The following LEPR variants were observed in gnomAD, a reference collection of about 807,000 sequenced individuals.
The protein encoded by LEPR is leptin receptor.
Under a neutral mutation model 114.7 loss-of-function variants are expected in LEPR, and 56 were observed. That is an observed-to-expected ratio of 0.49 (90% CI 0.39 to 0.61). The LOEUF is 0.61. Ranked by LOEUF, LEPR falls within the 20% of genes least tolerant of loss-of-function variation. LEPR has a pLI of 0.00. For synonymous variants in LEPR, 443 were observed against 461.4 expected, an observed-to-expected ratio of 0.96 and a Z score of 0.51; for missense variants, 1,202 against 1,352.9, an observed-to-expected ratio of 0.89 and a Z score of 1.75.
chr1:65,602,012 A>C (rs1284718071), intron 10 of LEPR, 52 bp downstream of exon 10: 1 of 1,465,912 alleles, frequency 6.8e-7, no homozygotes, highest in South Asian at 1.1e-5. Context: ...TGAGATAAAA[A>C]TTTTCTTTAG....
chr1:65,456,818 T>C (rs1050338831), intron 2 of LEPR, among the ~76,000 whole-genome samples: 1 of 152,222 alleles, frequency 6.6e-6, no homozygotes, highest in African/African-American at 2.4e-5. Context: ...ATTATTGATA[T>C]AGTGGGATTA....
chr1:65,603,266 C>T (rs779668692), intron 10 of LEPR, among the ~76,000 whole-genome samples: 4 of 151,950 alleles, frequency 2.6e-5, no homozygotes, highest in Non-Finnish European at 4.4e-5. Flanking sequence ...TGTACTAGTA[C>T]TGTGCTTCTA....
intron 2 of LEPR, among the ~76,000 whole-genome samples, chr1:65,509,168 A>G (rs1199807440): frequency 6.6e-6 from 1 of 152,060 alleles, no homozygotes; most frequent in Non-Finnish European, 1.5e-5. Flanking sequence ...TCCAATTTGG[A>G]TGCCTTTTAC....
chr1:65,579,312 A>AT (rs1341454398), intron 5 of LEPR, among the ~76,000 whole-genome samples: 1 of 152,234 alleles, frequency 6.6e-6, no homozygotes, highest in East Asian at 1.9e-4. Context: ...TTAAAGGATG[A>AT]AATCATGAGT....
chr1:65,475,379 C>T (rs1647145390), intron 2 of LEPR, among the ~76,000 whole-genome samples: 1 of 152,148 alleles, frequency 6.6e-6, no homozygotes, highest in Non-Finnish European at 1.5e-5. Context: ...CTGAACAAGG[C>T]TGAGCTTATG....
At chr1:65,554,132 G>C (rs1220710038) in intron 2 of LEPR, among the ~76,000 whole-genome samples, 1 of 152,150 alleles carries the variant, frequency 6.6e-6, no homozygotes. Flanking sequence ...TCCTGTATGA[G>C]GTGTCTGTTG....
chr1:65,544,963 C>A (rs1474581553), intron 2 of LEPR, among the ~76,000 whole-genome samples: 2 of 149,924 alleles, frequency 1.3e-5, no homozygotes, highest in East Asian at 2.0e-4. Context: ...CCACTCCCCC[C>A]ACCCCACAAC....
At chr1:65,582,457 T>C (rs894376723) in intron 5 of LEPR, among the ~76,000 whole-genome samples, 7 of 152,312 alleles carry the variant, frequency 4.6e-5, no homozygotes, top group Middle Eastern at 6.8e-3. Context: ...GGAGACCTCC[T>C]TCAGTTCCTT....
chr1:65,492,948 CT>C (rs1185516987), intron 2 of LEPR, among the ~76,000 whole-genome samples: 2 of 151,884 alleles, frequency 1.3e-5, no homozygotes, highest in Non-Finnish European at 2.9e-5. Context: ...TTTGCTGCCC[CT>C]ATCAACCCAT....
intron 2 of LEPR, among the ~76,000 whole-genome samples, chr1:65,511,464 ACACACACG>A (rs1649034038): frequency 7.3e-6 from 1 of 137,094 alleles, no homozygotes; most frequent in Non-Finnish European, 1.6e-5. Flanking sequence ...ACACACACAC[ACACACACG>A]TGTATTTTTC....
chr1:65,446,571 T>C (rs988440188), intron 2 of LEPR, among the ~76,000 whole-genome samples: 4 of 152,202 alleles, frequency 2.6e-5, no homozygotes, highest in East Asian at 1.9e-4. Context: ...AATCTTTCTA[T>C]CTTCAGTAAA....
Position 65,626,166 on chromosome 1 carries a change from CT to C in LEPR, c.2673+3187del, listed in dbSNP as rs1658200129. ...GAACTACTGGGTGGAGGTTGGTTGACTTAGGAAATGCTTGTAGACTACGTCC... is the reference window on the plus strand; with the variant it reads ...GAACTACTGGGTGGAGGTTGGTTGACTAGGAAATGCTTGTAGACTACGTCC... On this transcript the variant is annotated intron_variant, in intron 19 of 19. Transcript: ENST00000349533. The C allele has an allele frequency of 3.1e-6, 5 of 1,611,830 alleles. No individual in the cohort carries two copies. The East Asian group carries it at 8.9e-5, about 29-fold the overall frequency.
intron 2 of LEPR, among the ~76,000 whole-genome samples, chr1:65,520,919 G>A (rs1275769785): frequency 6.6e-6 from 1 of 152,176 alleles, no homozygotes; most frequent in East Asian, 1.9e-4. Flanking sequence ...AGTGGTTTTT[G>A]GCCCTGGGTG....
intron 2 of LEPR, among the ~76,000 whole-genome samples, chr1:65,520,340 T>C (rs1313337126): frequency 1.3e-5 from 2 of 152,166 alleles, no homozygotes; most frequent in Admixed American, 6.5e-5. Context: ...CGTCTGTAGC[T>C]GTAGCATTTA....
At chr1:65,451,040 T>C (rs1646778023) in intron 2 of LEPR, among the ~76,000 whole-genome samples, 1 of 150,346 alleles carries the variant, frequency 6.7e-6, no homozygotes, top group African/African-American at 2.4e-5. Flanking sequence ...ATGGTGAGCA[T>C]TTTTTCATGT....
chr1:65,626,695 C>T (rs1270125369), intron 19 of LEPR, among the ~76,000 whole-genome samples: 3 of 152,082 alleles, frequency 2.0e-5, no homozygotes, highest in Non-Finnish European at 2.9e-5. Context: ...CAGGCTGGAG[C>T]GCAGCGGTGA....
intron 5 of LEPR, among the ~76,000 whole-genome samples, chr1:65,574,558 G>A (rs1195784198): frequency 2.6e-5 from 4 of 152,148 alleles, no homozygotes; most frequent in Non-Finnish European, 4.4e-5. Flanking sequence ...AGATTTTAGA[G>A]TCAGACTACC....
chr1:65,601,181 G>A (rs1212915930), intron 8 of LEPR, among the ~76,000 whole-genome samples: 1 of 151,836 alleles, frequency 6.6e-6, no homozygotes. Flanking sequence ...AGACATTCAT[G>A]GAAGCTCAAC....
chr1:65,508,226 C>G (rs139308821), intron 2 of LEPR, among the ~76,000 whole-genome samples: 173 of 152,090 alleles, frequency 1.1e-3, no homozygotes, highest in African/African-American at 4.1e-3. Flanking sequence ...CTTTTATTGC[C>G]TGTGGTTTTG....
Sources: allele counts gnomAD v4.1 joint callset (sites outside exome capture counted in the v4.1 genomes callset), GRCh38; gene constraint gnomAD v4.1.1; transcripts MANE v1.5; gene names NCBI Gene and HGNC (gene_info 2026-07-23, HGNC 2026-07-21).